Variants in PLXNB3 observed in about 807,000 individuals in gnomAD.
PLXNB3 encodes the protein plexin-B3.
Under a neutral mutation model 125.7 loss-of-function variants are expected in PLXNB3, and 80 were observed. That is an observed-to-expected ratio of 0.64 (90% CI 0.53 to 0.77). The LOEUF (loss-of-function observed/expected upper bound fraction) is 0.77. Ranked by LOEUF, PLXNB3 falls within the 30% of genes least tolerant of loss-of-function variation. The pLI is 0.00. For missense variants in PLXNB3, 1,836 were observed against 1,729.3 expected (o/e 1.06, Z -1.09); for synonymous variants, 954 against 783.3 (o/e 1.22, Z -3.64).
At position 153,769,262 on chromosome X, in the gene PLXNB3, G is replaced by A. The variant is rs2091895368; in HGVS notation, c.1496G>A (p.Arg499Lys). 1.7e-6 allele frequency: 2 copies of A among 1,148,803 alleles called. No individual in the cohort carries two copies. 94.7% of individuals were successfully genotyped at this position (1,148,803 alleles called of 1,213,427 possible). Residue 499 changes from arginine (R) to lysine (K), a missense_variant and splice_region_variant, in exon 6 of 36, where the codon AGG becomes AAG. Arg to Lys is a conservative substitution (Grantham distance 26). Transcript: ENST00000361971. ...TGTGGCTGGTGTGTCCTCCAGGGCAGGTGAGCACGGGGCCTGTGCCTAGGC... is the reference window on the plus strand; with the variant it reads ...TGTGGCTGGTGTGTCCTCCAGGGCAAGTGAGCACGGGGCCTGTGCCTAGGC... ...PLCGWCVLQG[R>K]CTRKGQCGRA...
intron 31 of PLXNB3, 39 bp downstream of exon 31, chrX:153,777,727 T>C: frequency 1.7e-6 from 2 of 1,183,275 alleles, no homozygotes; most frequent in Non-Finnish European, 2.3e-6. Context: ...GTGCATATGG[T>C]CCACTGAGTC....
chrX:153,767,511 C>T lies in PLXNB3; in HGVS notation c.684C>T (p.Ser228=), dbSNP rs781982868. 281 of 1,180,818 alleles carry T rather than the reference C, an allele frequency of 2.4e-4. 2 individuals carry two copies. In the East Asian group the frequency reaches 5.7e-3, roughly 24 times the overall value. ...GCCGCCTGGTGGTGGGCGACTTCTC[C>T]GACTACAACAACAGCTACGTCGGGG... ...GLGRLVVGDF[S]DYNNSYVGAF... Residue 228 remains serine (S), a synonymous_variant, in exon 3 of 36, where the codon TCC becomes TCT. Transcript: ENST00000361971.
rs373852538 is a variant in PLXNB3, at chrX:153,774,876, G to C, written c.3932-4G>C. ...TCACACCTCGGCGCCTCCTGGCCCC[G>C]CAGACCTCATGACGGAGATGACCGA... On this transcript the variant is annotated splice_polypyrimidine_tract_variant and splice_region_variant and intron_variant, in intron 23 of 35. Coordinates refer to ENST00000361971, the MANE Select transcript of PLXNB3 (RefSeq NM_005393.3). 3.3e-6 allele frequency: 4 copies of C among 1,201,128 alleles called. No homozygotes were observed. In the African/African-American group the frequency reaches 7.0e-5, roughly 21 times the overall value.
chrX:153,778,954 A>G lies in PLXNB3; in HGVS notation c.5645A>G (p.Glu1882Gly), dbSNP rs1345961786. 2.4e-5 allele frequency: 28 copies of G among 1,188,943 alleles called. No individual in the cohort carries two copies. The highest frequency in any genetic ancestry group is 3.1e-5 in the Non-Finnish European group (27 of 884,869). ...YYDQIISALE[E>G]DPVGQKLQLA... ...GGGCAGATTATCAGTGCCCTGGAGGAGGACCCTGTGGGCCAGAAGCTGCAG... is the reference window on the plus strand; with the variant it reads ...GGGCAGATTATCAGTGCCCTGGAGGGGGACCCTGTGGGCCAGAAGCTGCAG... Residue 1882 changes from glutamate to glycine, a missense_variant, in exon 36 of 36, where the codon GAG becomes GGG. Glu to Gly is a moderately conservative substitution (Grantham distance 98). Transcript: ENST00000361971.
At chrX:153,772,103 G>C (rs1003118185) in intron 15 of PLXNB3, 79 bp from the exon 16 acceptor site, 85 of 908,475 alleles carry the variant, frequency 9.4e-5, no homozygotes, top group Non-Finnish European at 1.1e-4. Flanking sequence ...AAGAAACCTG[G>C]GGCACTCGGG....
At chrX:153,768,796 G>A in intron 4 of PLXNB3, 152 bp from the exon 5 acceptor site, 7 of 626,288 alleles carry the variant, frequency 1.1e-5, no homozygotes, top group Middle Eastern at 4.0e-4. Context: ...GCCTGAGGGT[G>A]CTGAGTGGGG....
chrX:153,766,204 C>T (rs911181887), intron 2 of PLXNB3: 13 of 1,148,341 alleles, frequency 1.1e-5, no homozygotes, highest in East Asian at 3.3e-5. Context: ...TGGAGCTGGG[C>T]GCCAGCATGG....
rs782364362 is a variant in PLXNB3 at position 153,770,260 on chromosome X, A to G, written c.1786+12A>G. ...CCCTCCAGGCACAGGTGAGTGGCCCATGGGGTAGGGGGCTGGGATGGAGGC... is the reference window on the plus strand; with the variant it reads ...CCCTCCAGGCACAGGTGAGTGGCCCGTGGGGTAGGGGGCTGGGATGGAGGC... On this transcript the variant is annotated intron_variant, in intron 8 of 35. Transcript: ENST00000361971. 7.9e-5 allele frequency: 96 copies of G among 1,208,501 alleles called. No individual in the cohort carries two copies. Among genetic ancestry groups the G allele is most frequent in the Non-Finnish European group, 9.6e-5 (86 of 894,461 alleles).
intron 2 of PLXNB3, chrX:153,766,617 T>C: frequency 9.4e-7 from 1 of 1,062,926 alleles, no homozygotes. Flanking sequence ...CCTTGTGTGC[T>C]TGTGCGTGCG....
chrX:153,776,312 T>G, intron 27 of PLXNB3, 44 bp from the exon 28 acceptor site: 2 of 1,086,975 alleles, frequency 1.8e-6, no homozygotes, highest in Non-Finnish European at 1.3e-6. Flanking sequence ...GTGTGGGGCG[T>G]GGAGAGCAGG....
In PLXNB3 at chrX:153,775,282, G is replaced by T; in HGVS notation, c.4213G>T (p.Ala1405Ser). The T allele has an allele frequency of 8.3e-7, 1 of 1,206,749 alleles. No homozygotes were observed. Among genetic ancestry groups the T allele is most frequent in the South Asian group, 1.8e-5 (1 of 56,006 alleles). The part of the protein sequence containing the change: ...SFSQRDRCHV[A>S]SLLSLALHGK... ...TTCCCAGAGGGATCGCTGCCATGTG[G>T]CTTCGCTGCTGTCGCTAGCGCTACA... The change falls in exon 25 of 36, where the codon GCT becomes TCT. Residue 1405 changes from alanine (A) to serine (S), a missense_variant. Physicochemically the swap from Ala to Ser is moderately conservative, Grantham distance 99. Coordinates refer to ENST00000361971, the MANE Select transcript of PLXNB3 (RefSeq NM_005393.3).
In PLXNB3 at chrX:153,773,190, G is replaced by C. The variant is rs782567762; in HGVS notation, c.2907-40G>C. 4 of 1,157,352 alleles carry C rather than the reference G, an allele frequency of 3.5e-6. No individual in the cohort carries two copies. The East Asian group carries it at 1.2e-4, about 35-fold the overall frequency. On this transcript the variant is annotated intron_variant, in intron 17 of 35. Transcript: ENST00000361971. The stretch of plus-strand genomic sequence containing the variant: ...TGGGCCAGGGCTGGGGTAGAGGGGT[G>C]GTAGAGCCGAGATGAGAGACCCCAC...
At position 153,777,204 on chromosome X, in the gene PLXNB3, T is replaced by C. The variant is rs1295446163; in HGVS notation, c.4928-4T>C. 3 of 1,139,255 alleles carry C rather than the reference T, an allele frequency of 2.6e-6. No homozygotes were observed. In the African/African-American group the frequency reaches 5.4e-5, roughly 21 times the overall value. 93.9% of individuals were successfully genotyped at this position (1,139,255 alleles called of 1,213,427 possible). ...GCCCTGAAGCCAGGCTCCTGTGCCCTCAGACATACCCACGCTGGAGGATGG... is the reference window on the plus strand; with the variant it reads ...GCCCTGAAGCCAGGCTCCTGTGCCCCCAGACATACCCACGCTGGAGGATGG... On this transcript the variant is annotated splice_region_variant and splice_polypyrimidine_tract_variant and intron_variant, in intron 29 of 35. Coordinates refer to ENST00000361971, the MANE Select transcript of PLXNB3 (RefSeq NM_005393.3).
chrX:153,764,546 C>T (rs2062103765), intron 1 of PLXNB3, among the ~76,000 whole-genome samples: 1 of 112,941 alleles, frequency 8.9e-6, no homozygotes, highest in South Asian at 3.6e-4. Context: ...ACGCCAGCCT[C>T]GGGCAGGGTA....
intron 6 of PLXNB3, 74 bp from the exon 7 acceptor site, chrX:153,769,733 C>CTTGTTTT: frequency 9.2e-7 from 1 of 1,089,826 alleles, no homozygotes; most frequent in Non-Finnish European, 1.2e-6. Context: ...GGGCCGGCCT[C>CTTGTTTT]CCCAGGCCCC....
At position 153,769,934 on chromosome X, in the gene PLXNB3, G is replaced by T. The variant is rs782429021; in HGVS notation, c.1624G>T (p.Gly542Cys). 141 of 1,204,834 alleles carry T rather than the reference G, an allele frequency of 1.2e-4. 1 individual carries two copies. In the South Asian group the frequency reaches 2.4e-3, roughly 20 times the overall value. ...GGGCCACCACCCCCGCCAGGAGCAG[G>T]GCCAGGTAAGCCGCCCACCACCACT... is the stretch of plus-strand genomic sequence containing the variant. ...LPGHHPRQEQ[G>C]QVTLSVPRLP... The change falls in exon 7 of 36, where the codon GGC (glycine) becomes TGC (cysteine). Residue 542 changes from glycine (G) to cysteine (C), a missense_variant. Gly to Cys is a radical substitution (Grantham distance 159). Transcript: ENST00000361971.
In PLXNB3 at chrX:153,767,497, G is replaced by T. The variant is rs1557059699; in HGVS notation, c.670G>T (p.Val224Leu). ...FSSEGLGRLV[V>L]GDFSDYNNSY... ...CAGCGAGGGCCTGGGCCGCCTGGTG[G>T]TGGGCGACTTCTCCGACTACAACAA... The change falls in exon 3 of 36, where the codon GTG becomes TTG. Residue 224 changes from valine (V) to leucine (L), a missense_variant. Coordinates refer to ENST00000361971, the MANE Select transcript of PLXNB3 (RefSeq NM_005393.3). The T allele has an allele frequency of 8.4e-7, 1 of 1,185,882 alleles. No homozygotes were observed. Among genetic ancestry groups the T allele is most frequent in the South Asian group, 1.9e-5 (1 of 53,091 alleles).
chrX:153,777,830 C>T (rs1346394106), intron 31 of PLXNB3, 118 bp from the exon 32 acceptor site: 1 of 1,077,737 alleles, frequency 9.3e-7, no homozygotes, highest in East Asian at 3.0e-5. Context: ...CCTAGGCCAC[C>T]AGGCCAGCTT....
Position 153,775,053 on chromosome X carries a change from G to C in PLXNB3, c.4105G>C (p.Gly1369Arg). Residue 1369 changes from glycine (G) to arginine (R), a missense_variant, in exon 24 of 36, where the codon GGC becomes CGC. Physicochemically the swap from Gly to Arg is moderately radical, Grantham distance 125. Transcript: ENST00000361971. Reference protein sequence around the residue: ...EDGHCATVRQGLTQLSNLLNS... With the variant: ...EDGHCATVRQRLTQLSNLLNS... The stretch of plus-strand genomic sequence containing the variant: ...CGGCCACTGTGCCACTGTGCGCCAG[G>C]GCCTCACGCAGCTCTCCAACCTGCT... 8.3e-7 allele frequency: 1 copy of C among 1,209,319 alleles called. No homozygotes were observed. The highest frequency in any genetic ancestry group is 1.1e-6 in the Non-Finnish European group (1 of 894,425).
Sources: allele counts gnomAD v4.1 joint callset (sites outside exome capture counted in the v4.1 genomes callset), GRCh38; gene constraint gnomAD v4.1.1; transcripts MANE v1.5; gene names NCBI Gene and HGNC (gene_info 2026-07-23, HGNC 2026-07-21).